The following RIPOR2 variants were observed in gnomAD, a reference collection of about 807,000 sequenced individuals.
RIPOR2 encodes rho family-interacting cell polarization regulator 2.
Under a neutral mutation model 114.5 loss-of-function variants are expected in RIPOR2, and 39 were observed. The ratio of observed to expected loss-of-function variants is 0.34; its 90% CI spans 0.26 to 0.44. RIPOR2 has a LOEUF of 0.44. Among genes scored for constraint, RIPOR2 ranks in the 20% least tolerant of loss-of-function variants. The pLI is 1.00. For missense variants in RIPOR2, 1,007 were observed against 1,255.1 expected (o/e 0.80, Z 2.99); for synonymous variants, 445 against 484.4 (o/e 0.92, Z 1.07).
chr6:25,029,904 G>T (rs1239616578), intron 1 of RIPOR2, among the ~76,000 whole-genome samples: 1 of 152,190 alleles, frequency 6.6e-6, no homozygotes, highest in African/African-American at 2.4e-5. Context: ...TCCCTTCTGT[G>T]TGCAGGATGT....
At chr6:24,887,589 A>G (rs1766949049) in intron 1 of RIPOR2, among the ~76,000 whole-genome samples, 1 of 152,234 alleles carries the variant, frequency 6.6e-6, no homozygotes, top group Non-Finnish European at 1.5e-5. Flanking sequence ...AAACACATAG[A>G]GATGAAGTAA....
chr6:25,017,795 A>T (rs956520478), intron 1 of RIPOR2, among the ~76,000 whole-genome samples: 1 of 152,252 alleles, frequency 6.6e-6, no homozygotes, highest in African/African-American at 2.4e-5. Context: ...AGGAATCAGC[A>T]AAGTGAGGGA....
chr6:24,912,083 G>A (rs1000203280), intron 1 of RIPOR2, among the ~76,000 whole-genome samples: 2 of 152,176 alleles, frequency 1.3e-5, no homozygotes, highest in Admixed American at 6.5e-5. Flanking sequence ...CAGAACCATC[G>A]CCTGATAAAC....
intron 10 of RIPOR2, 150 bp from the exon 11 acceptor site, chr6:24,850,100 T>TC (rs1424522369): frequency 2.1e-6 from 1 of 478,236 alleles, no homozygotes; most frequent in African/African-American, 2.1e-5. Context: ...TCTTTTTCTT[T>TC]TTTTTTTTTT....
chr6:25,037,131 ATGGGAGG>A lies in RIPOR2; in HGVS notation c.76+4713_76+4719del, dbSNP rs905047932. On this transcript the variant is annotated intron_variant, in intron 1 of 13. Coordinates refer to the RIPOR2 transcript ENST00000510784. This position sits in a 1 kb window ranked among gnomAD's most constrained non-coding sequence, Gnocchi z 4.5. Reference sequence around the variant, plus strand: ...TGTCTTTTAATCCCCTCCAATAACAATGGGAGGTGGGTGTTACTGTAATAAGCATTTT... The same window carrying A: ...TGTCTTTTAATCCCCTCCAATAACAATGGGTGTTACTGTAATAAGCATTTT... Among the ~76,000 whole-genome samples, 3 of 152,094 alleles carry A rather than the reference ATGGGAGG, an allele frequency of 2.0e-5. No individual in the cohort carries two copies. Among genetic ancestry groups the A allele is most frequent in the African/African-American group, 7.2e-5 (3 of 41,404 alleles).
intron 1 of RIPOR2, among the ~76,000 whole-genome samples, chr6:24,957,358 T>TGCATCAA (rs2114214111): frequency 6.6e-6 from 1 of 152,346 alleles, no homozygotes; most frequent in South Asian, 2.1e-4. Context: ...ACTTTTCATA[T>TGCATCAA]GAGGCAATAA....
intron 5 of RIPOR2, among the ~76,000 whole-genome samples, chr6:24,870,484 A>G (rs777290858): frequency 1.3e-5 from 2 of 152,210 alleles, no homozygotes; most frequent in Non-Finnish European, 2.9e-5. Context: ...AGGGTCTCCC[A>G]TTGACTTCTC....
intron 1 of RIPOR2, among the ~76,000 whole-genome samples, chr6:24,953,094 G>A (rs1452460782): frequency 6.6e-6 from 1 of 152,174 alleles, no homozygotes. Context: ...AGCACTTTGG[G>A]AGGTCAAAGC....
rs967074596 is a variant in RIPOR2 at position 24,976,638 on chromosome 6, C to T, written c.76+65213G>A. The stretch of plus-strand genomic sequence containing the variant: ...AGAAAGGATTTGGTTATAAGGGTTC[C>T]TGCTTTCACAGAATTATTCCAGGGT... On this transcript the variant is annotated intron_variant, in intron 1 of 13. Coordinates refer to the RIPOR2 transcript ENST00000510784. The T allele has an allele frequency of 7.5e-6, 12 of 1,609,802 alleles. No individual in the cohort carries two copies. The South Asian group carries it at 1.3e-4, about 18-fold the overall frequency.
chr6:24,995,435 G>A (rs1775003566), intron 1 of RIPOR2, among the ~76,000 whole-genome samples: 1 of 152,224 alleles, frequency 6.6e-6, no homozygotes, highest in African/African-American at 2.4e-5. Context: ...GGGGCAAGTG[G>A]CCACGGGGAG....
chr6:24,951,068 C>T (rs1772725602), intron 1 of RIPOR2, among the ~76,000 whole-genome samples: 1 of 152,168 alleles, frequency 6.6e-6, no homozygotes, highest in Non-Finnish European at 1.5e-5. Flanking sequence ...TCATTGATTT[C>T]CAGAAGTTCT....
rs1759436089 is a variant in RIPOR2, at chr6:24,819,097, T to TG, written c.2869-473dup. Among the ~76,000 whole-genome samples, 3 of 152,098 alleles carry TG rather than the reference T, an allele frequency of 2.0e-5. No homozygotes were observed. The East Asian group carries it at 5.8e-4, about 30-fold the overall frequency. ...ATTTGAAATATTCTCCTAGAGTCCA[T>TG]GACTCTAGGAGAATATAAGGGATCA... is the stretch of plus-strand genomic sequence containing the variant. On this transcript the variant is annotated intron_variant, in intron 19 of 21. Coordinates refer to ENST00000643898, the MANE Select transcript of RIPOR2 (RefSeq NM_001286445.3).
chr6:24,914,445 G>A (rs1367341801), intron 1 of RIPOR2, among the ~76,000 whole-genome samples: 7 of 152,334 alleles, frequency 4.6e-5, no homozygotes, highest in South Asian at 2.1e-4. Flanking sequence ...GCTAAGGGCC[G>A]GAGGTAAGCC....
At chr6:24,840,587 C>A in intron 13 of RIPOR2, 4 of 1,491,912 alleles carry the variant, frequency 2.7e-6, no homozygotes, top group Non-Finnish European at 1.8e-6. Flanking sequence ...AGGTGACACT[C>A]CTTGCTGATT....
At chr6:25,028,671 A>C (rs1776744938) in intron 1 of RIPOR2, among the ~76,000 whole-genome samples, 1 of 152,238 alleles carries the variant, frequency 6.6e-6, no homozygotes, top group Non-Finnish European at 1.5e-5. Flanking sequence ...TTCAGTTTCC[A>C]CATAAGAAAA....
chr6:24,894,379 T>G (rs2113982972), intron 1 of RIPOR2, among the ~76,000 whole-genome samples: 1 of 152,330 alleles, frequency 6.6e-6, no homozygotes, highest in Admixed American at 6.5e-5. Flanking sequence ...TAGGCAACTG[T>G]TCCAACAAGA....
chr6:24,844,023 C>G (rs577447912), intron 12 of RIPOR2, among the ~76,000 whole-genome samples: 4 of 152,248 alleles, frequency 2.6e-5, no homozygotes, highest in African/African-American at 9.6e-5. Flanking sequence ...TGCTTCAATT[C>G]TCAAAAATTA....
intron 1 of RIPOR2, chr6:24,976,672 C>T (rs996185246): frequency 6.2e-7 from 1 of 1,607,888 alleles, no homozygotes; most frequent in African/African-American, 1.3e-5. Context: ...GTTTATGTGT[C>T]AGGGTGGTGA....
At position 25,030,662 on chromosome 6, in the gene RIPOR2, T is replaced by A. The variant is rs55704955; in HGVS notation, c.76+11189A>T. Among the ~76,000 whole-genome samples, 748 of 152,276 alleles carry A rather than the reference T, an allele frequency of 4.9e-3. 8 individuals carry two copies. The highest frequency in any genetic ancestry group is 0.016 in the African/African-American group (674 of 41,546). ...TTTATGAGATATTCTGGCTTTTTTT[T>A]AAAAGGCATAGGGTCTTGCTGTTTT... On this transcript the variant is annotated intron_variant, in intron 1 of 13. Coordinates refer to the RIPOR2 transcript ENST00000510784.
Sources: allele counts gnomAD v4.1 joint callset (sites outside exome capture counted in the v4.1 genomes callset), GRCh38; gene constraint gnomAD v4.1.1; non-coding constraint Gnocchi (gnomAD v3.1); transcripts MANE v1.5; gene names NCBI Gene and HGNC (gene_info 2026-07-23, HGNC 2026-07-21).